ALG3: variants seen among roughly 807,000 people sequenced by gnomAD.
ALG3 encodes ALG3 alpha-1,3- mannosyltransferase.
In ALG3, 39 loss-of-function variants were observed where a neutral mutation model predicts 50.5. That is an observed-to-expected ratio of 0.77 (90% CI 0.60 to 1.01). The LOEUF (loss-of-function observed/expected upper bound fraction) is 1.01. Ranked by LOEUF, ALG3 falls within the 50% of genes least tolerant of loss-of-function variation. The pLI, the probability that ALG3 is intolerant of heterozygous loss-of-function variation, is 0.00. For missense variants in ALG3, 520 were observed against 554.8 expected (o/e 0.94, Z 0.63); for synonymous variants, 252 against 237.2 (o/e 1.06, Z -0.58).
chr3:184,245,815 GGAA>G lies in ALG3; in HGVS notation c.197-6_197-4del, dbSNP rs749686313. The G allele has an allele frequency of 2.7e-5, 44 of 1,610,738 alleles. No individual in the cohort carries two copies. In the East Asian group the frequency reaches 8.7e-4, roughly 32 times the overall value. ...GGCCTTCCAGTCAATCTCTGTGTCT[GGAA>G]GAAGACAAGATGATCTGGTTACTTC... On this transcript the variant is annotated splice_region_variant and splice_polypyrimidine_tract_variant and intron_variant, in intron 1 of 8. Transcript: ENST00000397676.
rs373887893 is a variant in ALG3, at chr3:184,242,835, G to C, written c.1132C>G (p.Arg378Gly). 5 of 1,613,912 alleles carry C rather than the reference G, an allele frequency of 3.1e-6. No homozygotes were observed. Among genetic ancestry groups the C allele is most frequent in the Admixed American group, 1.7e-5 (1 of 60,028 alleles). ...TACCTGAGCAGGTGTGTGAGCCAGCGTGCAGGCATGGCCCACAGGAGGTAG... is the reference window on the plus strand; with the variant it reads ...TACCTGAGCAGGTGTGTGAGCCAGCCTGCAGGCATGGCCCACAGGAGGTAG... Reference protein sequence around the residue: ...LPYLLWAMPARWLTHLLRLLV... With the variant: ...LPYLLWAMPAGWLTHLLRLLV... The change falls in exon 8 of 9, where the codon CGC (arginine) becomes GGC (glycine). Residue 378 changes from arginine (R) to glycine (G), a missense_variant. Arg to Gly is a moderately radical substitution (Grantham distance 125). Transcript: ENST00000397676.
At position 184,242,977 on chromosome 3, in the gene ALG3, A is replaced by T. The variant is rs1718911294; in HGVS notation, c.1010-20T>A. ...CGATCTGTATGCGGTGGTCAAGGCC[A>T]AGGGCAGGAGTGTGTGTGGGGGGGA... On this transcript the variant is annotated intron_variant, in intron 7 of 8. Coordinates refer to ENST00000397676, the MANE Select transcript of ALG3 (RefSeq NM_005787.6). 1 of 1,611,902 alleles carries T rather than the reference A, an allele frequency of 6.2e-7. No homozygotes were observed. Among genetic ancestry groups the T allele is most frequent in the South Asian group, 1.1e-5 (1 of 90,884 alleles).
chr3:184,242,562 G>A lies in ALG3; in HGVS notation c.1269C>T (p.Gly423=), dbSNP rs1347831323. 1 of 1,610,508 alleles carries A rather than the reference G, an allele frequency of 6.2e-7. No homozygotes were observed. Among genetic ancestry groups the A allele is most frequent in the South Asian group, 1.1e-5 (1 of 90,822 alleles). The change falls in exon 9 of 9, where the codon GGC becomes GGT. Residue 423 remains glycine (G), a synonymous_variant. Coordinates refer to ENST00000397676, the MANE Select transcript of ALG3 (RefSeq NM_005787.6). ...HAVILLQLWL[G]PQPFPKSTQH... ...GGGTGCTCTTGGGGAAAGGCTGCGG[G>A]CCCAGCCAGAGCTGCAGCAGGATGA...
Position 184,242,307 on chromosome 3 carries a change from A to G in ALG3, c.*207T>C. 1.3e-6 allele frequency: 1 copy of G among 768,588 alleles called. No homozygotes were observed. The highest frequency in any genetic ancestry group is 2.7e-5 in the East Asian group (1 of 37,140). The allele number at this position is 768,588 out of a possible 1,614,324, so 47.6% of individuals were successfully genotyped here. A position where few individuals can be genotyped will look rare whatever the true frequency, so the allele number is the denominator to read the frequency against. ...TAGAGAGCCACAGTCCCCAAATCCT[A>G]TGCAATAAAGTGCCTCTTAGGACTG... On this transcript the variant is annotated 3_prime_UTR_variant, in exon 9 of 9. Coordinates refer to ENST00000397676, the MANE Select transcript of ALG3 (RefSeq NM_005787.6).
intron 1 of ALG3, among the ~76,000 whole-genome samples, chr3:184,246,672 GCTGTCTT>G (rs1265094033): frequency 5.3e-5 from 8 of 150,752 alleles, no homozygotes; most frequent in African/African-American, 1.7e-4. Context: ...AAGGAACCAG[GCTGTCTT>G]CTTTTTTTTT....
At position 184,243,426 on chromosome 3, in the gene ALG3, A is replaced by C. The variant is rs563745771; in HGVS notation, c.1009+128T>G. 8.4e-4 allele frequency: 653 copies of C among 777,226 alleles called. 2 individuals carry two copies. Among genetic ancestry groups the C allele is most frequent in the Non-Finnish European group, 1.3e-3 (575 of 451,314 alleles). The allele number at this position is 777,226 out of a possible 1,614,324, so 48.1% of individuals were successfully genotyped here. ...TGTGAAGTGCTCAGCACAGTGGTGC[A>C]GAATAGGACTTCTATGATTGGGGTC... On this transcript the variant is annotated intron_variant, in intron 7 of 8. Coordinates refer to ENST00000397676, the MANE Select transcript of ALG3 (RefSeq NM_005787.6).
At position 184,242,924 on chromosome 3, in the gene ALG3, A is replaced by G. The variant is rs1356263423; in HGVS notation, c.1043T>C (p.Ile348Thr). Reference sequence around the variant, plus strand: ...GAGGGAGCGGCTGAAGCAGATGCCAATGAAGTTGGAGGTGAAGAGGGTAGA... The same window carrying G: ...GAGGGAGCGGCTGAAGCAGATGCCAGTGAAGTTGGAGGTGAAGAGGGTAGA... ...IVSTLFTSNF[I>T]GICFSRSLHY... Residue 348 changes from isoleucine (I) to threonine (T), a missense_variant, in exon 8 of 9, where the codon ATT becomes ACT. Physicochemically the swap from Ile to Thr is moderately conservative, Grantham distance 89. Around this residue, in one of 3 missense-constraint regions of ALG3, gnomAD observed 224 missense variants for 272.8 expected, o/e 0.82. Coordinates refer to ENST00000397676, the MANE Select transcript of ALG3 (RefSeq NM_005787.6). 5 of 1,613,646 alleles carry G rather than the reference A, an allele frequency of 3.1e-6. No homozygotes were observed. The highest frequency in any genetic ancestry group is 4.2e-6 in the Non-Finnish European group (5 of 1,179,856).
chr3:184,249,353 A>G, upstream of ALG3: 1 of 1,452,022 alleles, frequency 6.9e-7, no homozygotes, highest in Non-Finnish European at 9.4e-7. Flanking sequence ...AGCCTTCCGG[A>G]TGCTGAGAAA....
chr3:184,246,178 A>C (rs1174988481), intron 1 of ALG3, among the ~76,000 whole-genome samples: 1 of 152,068 alleles, frequency 6.6e-6, no homozygotes, highest in Non-Finnish European at 1.5e-5. Flanking sequence ...AAATATCTCT[A>C]TCTCATCCTT....
At chr3:184,247,844 C>G (rs1719245117) in intron 1 of ALG3, among the ~76,000 whole-genome samples, 1 of 149,364 alleles carries the variant, frequency 6.7e-6, no homozygotes. Flanking sequence ...GAAATGCATC[C>G]TTTTTCTTTT....
upstream of ALG3, chr3:184,249,147 C>T: frequency 6.5e-7 from 1 of 1,547,834 alleles, no homozygotes; most frequent in Non-Finnish European, 8.8e-7. Flanking sequence ...CAATGTCTTA[C>T]TCCTCAGTTT....
In ALG3 at chr3:184,242,559, C is replaced by A. The variant is rs372724502; in HGVS notation, c.1272G>T (p.Pro424=). The A allele has an allele frequency of 5.0e-6, 8 of 1,610,010 alleles. No individual in the cohort carries two copies. The highest frequency in any genetic ancestry group is 1.3e-5 in the African/African-American group (1 of 74,832). Residue 424 remains proline, a synonymous_variant, in exon 9 of 9, where the codon CCG becomes CCT. Transcript: ENST00000397676. ...GTTGGGTGCTCTTGGGGAAAGGCTG[C>A]GGGCCCAGCCAGAGCTGCAGCAGGA... ...AVILLQLWLG[P]QPFPKSTQHS...
chr3:184,248,897 G>A lies in ALG3; in HGVS notation c.44C>T (p.Ala15Val), dbSNP rs373978736. The A allele has an allele frequency of 6.2e-7, 1 of 1,601,062 alleles. No homozygotes were observed. The highest frequency in any genetic ancestry group is 8.5e-7 in the Non-Finnish European group (1 of 1,174,460). Reference sequence around the variant, plus strand: ...TTGCTTGCAGAGTCCCTCTGCCTGGGCCGCGGAACCGGACCGGCCGCGTTT... The same window carrying A: ...TTGCTTGCAGAGTCCCTCTGCCTGGACCGCGGAACCGGACCGGCCGCGTTT... The part of the protein sequence containing the change: ...LRKRGRSGSA[A>V]QAEGLCKQWL... The change falls in exon 1 of 9, where the codon GCC becomes GTC. Residue 15 changes from alanine (A) to valine (V), a missense_variant. Ala to Val is a moderately conservative substitution (Grantham distance 64, BLOSUM62 0). Coordinates refer to ENST00000397676, the MANE Select transcript of ALG3 (RefSeq NM_005787.6).
Position 184,248,871 on chromosome 3 carries a change from A to G in ALG3, c.70T>C (p.Trp24Arg). The G allele has an allele frequency of 6.2e-7, 1 of 1,607,224 alleles. No individual in the cohort carries two copies. The highest frequency in any genetic ancestry group is 1.1e-5 in the South Asian group (1 of 90,676). ...AAQAEGLCKQ[W>R]LQRAWQERRL... ...CGCTCTTGCCAGGCGCGCTGCAGCC[A>G]TTGCTTGCAGAGTCCCTCTGCCTGG... is the stretch of plus-strand genomic sequence containing the variant. The change falls in exon 1 of 9, where the codon TGG (tryptophan) becomes CGG (arginine). Residue 24 changes from tryptophan to arginine, a missense_variant. Physicochemically the swap from Trp to Arg is moderately radical, Grantham distance 101. Coordinates refer to ENST00000397676, the MANE Select transcript of ALG3 (RefSeq NM_005787.6).
chr3:184,242,554 G>A lies in ALG3; in HGVS notation c.1277C>T (p.Pro426Leu), dbSNP rs773600210. 4.3e-6 allele frequency: 7 copies of A among 1,611,788 alleles called. No homozygotes were observed. In the South Asian group the frequency reaches 7.7e-5, roughly 18 times the overall value. The change falls in exon 9 of 9, where the codon CCT becomes CTT. Residue 426 changes from proline (P) to leucine (L), a missense_variant. By Grantham distance (98) the Pro-to-Leu change is moderately conservative. Transcript: ENST00000397676. ...GCTGTGTTGGGTGCTCTTGGGGAAA[G>A]GCTGCGGGCCCAGCCAGAGCTGCAG... ...ILLQLWLGPQ[P>L]FPKSTQHSKK...
intron 8 of ALG3, 32 bp from the exon 9 acceptor site, chr3:184,242,708 C>T (rs758163428): frequency 6.4e-6 from 10 of 1,567,478 alleles, no homozygotes; most frequent in Admixed American, 1.8e-5. Context: ...CACGTTTCAT[C>T]CAGTTGCAAG....
At position 184,245,468 on chromosome 3, in the gene ALG3, C is replaced by T. The variant is rs1037322603; in HGVS notation, c.444G>A (p.Lys148=). 1 of 1,613,800 alleles carries T rather than the reference C, an allele frequency of 6.2e-7. No homozygotes were observed. Among genetic ancestry groups the T allele is most frequent in the Non-Finnish European group, 8.5e-7 (1 of 1,179,818 alleles). The change falls in exon 3 of 9, where the codon AAG becomes AAA. Residue 148 remains lysine (K), a splice_region_variant and synonymous_variant. Coordinates refer to ENST00000397676, the MANE Select transcript of ALG3 (RefSeq NM_005787.6). ...TCTAGCCCTGGTAGCATGGACTCAC[C>T]TTGCAGGTCTGGTGATAGATCAAGA... ...LVFLIYHQTC[K]VPPFVFFFMC...
At chr3:184,246,657 C>A (rs1002576656) in intron 1 of ALG3, among the ~76,000 whole-genome samples, 7 of 151,952 alleles carry the variant, frequency 4.6e-5, no homozygotes, top group Non-Finnish European at 8.8e-5. Context: ...CATTTCAGTT[C>A]CTCAAAGGAA....
intron 7 of ALG3, 29 bp from the exon 8 acceptor site, chr3:184,242,986 AGT>A (rs775754459): frequency 1.4e-5 from 23 of 1,611,056 alleles, no homozygotes; most frequent in East Asian, 8.9e-5. Context: ...CAAGGGCAGG[AGT>A]GTGTGTGGGG....
Sources: allele counts gnomAD v4.1 joint callset (sites outside exome capture counted in the v4.1 genomes callset), GRCh38; gene constraint gnomAD v4.1.1; regional missense constraint gnomAD v4.1.1; transcripts MANE v1.5; gene names NCBI Gene and HGNC (gene_info 2026-07-23, HGNC 2026-07-21).